Variants in ERC2 observed in about 807,000 individuals in gnomAD.
ERC2 encodes the protein ELKS/RAB6-interacting/CAST family member 2.
ERC2 carries 42 observed loss-of-function variants against 114.8 expected under a neutral mutation model. The observed-to-expected ratio is 0.37, with a 90% CI of 0.29 to 0.47. The LOEUF (loss-of-function observed/expected upper bound fraction) is 0.47, where lower values mean the gene tolerates loss of function less well. Ranked by LOEUF, ERC2 falls within the 20% of genes least tolerant of loss-of-function variation. ERC2 has a pLI of 0.99. For missense variants in ERC2, 939 were observed against 1,150.7 expected, an observed-to-expected ratio of 0.82 and a Z score of 2.66; for synonymous variants, 454 against 425.5, an observed-to-expected ratio of 1.07 and a Z score of -0.82.
At chr3:55,901,415 C>T (rs1321232145) in intron 13 of ERC2, among the ~76,000 whole-genome samples, 1 of 152,158 alleles carries the variant, frequency 6.6e-6, no homozygotes, top group Non-Finnish European at 1.5e-5. Context: ...GGTCCTCTTC[C>T]AAGCTCATGG....
At chr3:55,587,441 T>C (rs993307102) in intron 17 of ERC2, among the ~76,000 whole-genome samples, 1 of 152,370 alleles carries the variant, frequency 6.6e-6, no homozygotes, top group South Asian at 2.1e-4. Context: ...CTGTGAAATA[T>C]CCTATTGCAT....
At chr3:56,188,007 C>T (rs2083731934) in intron 3 of ERC2, among the ~76,000 whole-genome samples, 3 of 152,026 alleles carry the variant, frequency 2.0e-5, no homozygotes, top group African/African-American at 7.3e-5. Context: ...GGAACGTGGT[C>T]AAGGCAGAGG....
intron 14 of ERC2, among the ~76,000 whole-genome samples, chr3:55,859,350 C>G (rs915554426): frequency 1.4e-4 from 22 of 151,822 alleles, no homozygotes; most frequent in African/African-American, 5.3e-4. Context: ...AAACTGTTTA[C>G]TGTTTTTGAA....
intron 17 of ERC2, among the ~76,000 whole-genome samples, chr3:55,620,958 C>T (rs1019439115): frequency 1.3e-5 from 2 of 152,128 alleles, no homozygotes; most frequent in Non-Finnish European, 2.9e-5. Context: ...GAACAACTAC[C>T]TATGGGGCTT....
At chr3:55,835,554 G>C (rs1051018992) in intron 14 of ERC2, among the ~76,000 whole-genome samples, 40 of 152,046 alleles carry the variant, frequency 2.6e-4, no homozygotes, top group African/African-American at 8.5e-4. Context: ...ATTCAACAAT[G>C]CTTCATGCTA....
chr3:55,614,447 C>A (rs1025431388), intron 17 of ERC2, among the ~76,000 whole-genome samples: 29 of 152,136 alleles, frequency 1.9e-4, no homozygotes, highest in Non-Finnish European at 2.9e-5. Flanking sequence ...TGCAACATTT[C>A]TTTCTTCCTT....
chr3:56,227,796 G>A (rs970126580), intron 3 of ERC2, among the ~76,000 whole-genome samples: 6 of 152,156 alleles, frequency 3.9e-5, no homozygotes, highest in East Asian at 3.9e-4. Flanking sequence ...AGAAATGAGC[G>A]AAGATGTCCA....
At chr3:55,695,523 G>C (rs2062882050) in intron 16 of ERC2, among the ~76,000 whole-genome samples, 1 of 152,122 alleles carries the variant, frequency 6.6e-6, no homozygotes. Flanking sequence ...TCCCTCAAGG[G>C]CTGTGTATTT....
intron 4 of ERC2, among the ~76,000 whole-genome samples, chr3:56,171,843 C>CTTTTTTTTTTTTTTT (rs34797642): frequency 1.4e-5 from 2 of 139,222 alleles, no homozygotes; most frequent in Non-Finnish European, 1.5e-5. Context: ...GAAACTCGCT[C>CTTTTTTTTTTTTTTT]TTTTTTTTTT....
chr3:55,807,849 T>C (rs1213946701), intron 14 of ERC2, among the ~76,000 whole-genome samples: 3 of 152,194 alleles, frequency 2.0e-5, no homozygotes, highest in Admixed American at 2.0e-4. Context: ...TTTGGGCTTA[T>C]TTAGACTGTC....
At chr3:55,743,514 A>T (rs9825583) in intron 14 of ERC2, among the ~76,000 whole-genome samples, 3 of 146,910 alleles carry the variant, frequency 2.0e-5, no homozygotes, top group Non-Finnish European at 1.5e-5. Flanking sequence ...AAGGCAATGA[A>T]GGATGGGAGG....
chr3:56,231,964 A>C (rs1414741643), intron 3 of ERC2, among the ~76,000 whole-genome samples: 3 of 151,454 alleles, frequency 2.0e-5, no homozygotes, highest in Non-Finnish European at 4.4e-5. Context: ...TAAGACCTAG[A>C]CATAGTTTTT....
At chr3:56,092,828 G>T (rs577263208) in intron 6 of ERC2, among the ~76,000 whole-genome samples, 1 of 152,166 alleles carries the variant, frequency 6.6e-6, no homozygotes, top group South Asian at 2.1e-4. Flanking sequence ...CATTCATATT[G>T]TGCTTTCCCT....
At chr3:55,828,270 C>T (rs758921020) in intron 14 of ERC2, among the ~76,000 whole-genome samples, 9 of 152,174 alleles carry the variant, frequency 5.9e-5, no homozygotes, top group Non-Finnish European at 1.0e-4. Flanking sequence ...AATACAAACG[C>T]AAATTCCTGA....
intron 15 of ERC2, among the ~76,000 whole-genome samples, chr3:55,733,585 C>T (rs1311929983): frequency 2.1e-5 from 3 of 145,950 alleles, no homozygotes; most frequent in South Asian, 2.2e-4. Context: ...CACACACACA[C>T]ATTCTCTGTC....
chr3:55,917,481 G>A (rs1453161706), intron 13 of ERC2, among the ~76,000 whole-genome samples: 2 of 152,000 alleles, frequency 1.3e-5, no homozygotes, highest in African/African-American at 4.8e-5. Flanking sequence ...AGAAAAAGAA[G>A]CCAGATACAA....
chr3:56,465,244 C>CA (rs2063490671), intron 1 of ERC2, among the ~76,000 whole-genome samples: 1 of 152,040 alleles, frequency 6.6e-6, no homozygotes, highest in South Asian at 2.1e-4. Context: ...ACTAAAAATA[C>CA]AAAAATTAGA....
chr3:56,012,679 G>A (rs2073036764), intron 8 of ERC2, among the ~76,000 whole-genome samples: 1 of 151,936 alleles, frequency 6.6e-6, no homozygotes, highest in South Asian at 2.1e-4. Context: ...GGGCATTGAT[G>A]ACAAAAAAAA....
rs1225703320 is a variant in ERC2 at position 56,379,973 on chromosome 3, G to A, written c.657+54378C>T. On this transcript the variant is annotated intron_variant, in intron 2 of 17. Coordinates refer to ENST00000288221, the MANE Select transcript of ERC2 (RefSeq NM_015576.3). ...CTCAGCCTCAGCATTATGAACGTTAGGGCTGAGTAATGATTGTAGGAGCTG... is the reference window on the plus strand; with the variant it reads ...CTCAGCCTCAGCATTATGAACGTTAAGGCTGAGTAATGATTGTAGGAGCTG... 2.6e-5 allele frequency among the ~76,000 whole-genome samples: 4 copies of A among 152,272 alleles called. No individual in the cohort carries two copies. In the East Asian group the frequency reaches 7.7e-4, roughly 29 times the overall value.
Sources: gnomAD v4.1 joint callset for allele counts (sites outside exome capture counted in the v4.1 genomes callset) on GRCh38, gnomAD v4.1.1 for gene constraint, MANE v1.5 for transcripts, NCBI Gene and HGNC (gene_info 2026-07-23, HGNC 2026-07-21) for gene names.